Variants in CD36 observed in about 807,000 individuals in gnomAD.
CD36 encodes the protein CD36 molecule (CD36 blood group).
In CD36, 119 loss-of-function variants were observed where a neutral mutation model predicts 55.2. The ratio of observed to expected loss-of-function variants is 2.15; its 90% CI spans 1.86 to 2.51. The LOEUF (loss-of-function observed/expected upper bound fraction) is 2.51. Among genes scored for constraint, CD36 ranks in the 30% most tolerant of loss-of-function variants. CD36 has a pLI of 0.00. For missense variants in CD36, 819 were observed against 555.5 expected (o/e 1.47, Z -4.77); for synonymous variants, 186 against 193.6 (o/e 0.96, Z 0.33).
intron 4 of CD36, among the ~76,000 whole-genome samples, chr7:80,659,798 A>G (rs1015520581): frequency 6.6e-6 from 1 of 152,212 alleles, no homozygotes. Context: ...AATTTAAAAT[A>G]CAATTGTCCT....
chr7:80,637,321 C>T (rs1051541991), upstream of CD36, among the ~76,000 whole-genome samples: 2 of 151,764 alleles, frequency 1.3e-5, no homozygotes, highest in African/African-American at 4.8e-5. Flanking sequence ...GATAAAAGGT[C>T]GCAGTTATTT....
At chr7:80,610,385 G>A (rs1792810323) in intron 1 of CD36, among the ~76,000 whole-genome samples, 1 of 151,810 alleles carries the variant, frequency 6.6e-6, no homozygotes, top group Non-Finnish European at 1.5e-5. Context: ...TTACTGAGAG[G>A]GTAATTTAGC....
chr7:80,633,502 T>A (rs1794207241), intron 1 of CD36: 1 of 152,056 alleles, frequency 6.6e-6, no homozygotes, highest in Non-Finnish European at 1.5e-5. Flanking sequence ...GAAATTTTCT[T>A]TTAAAGGTGA....
upstream of CD36, among the ~76,000 whole-genome samples, chr7:80,633,682 T>C (rs1794220459): frequency 6.6e-6 from 1 of 152,008 alleles, no homozygotes; most frequent in South Asian, 2.1e-4. Flanking sequence ...CTTCTATAAG[T>C]GACGAGCTGG....
intron 1 of CD36, among the ~76,000 whole-genome samples, chr7:80,608,684 A>G (rs1025725107): frequency 3.4e-4 from 52 of 152,138 alleles, no homozygotes; most frequent in African/African-American, 1.2e-3. Context: ...GAAAATGTCA[A>G]TATTAAACCC....
At chr7:80,626,902 T>A (rs1012242287) in intron 1 of CD36, among the ~76,000 whole-genome samples, 2 of 152,038 alleles carry the variant, frequency 1.3e-5, no homozygotes, top group African/African-American at 2.4e-5. Flanking sequence ...TTACACTGTA[T>A]ATAAACTACA....
At chr7:80,658,791 C>T (rs866160845) in intron 4 of CD36, among the ~76,000 whole-genome samples, 5 of 152,180 alleles carry the variant, frequency 3.3e-5, no homozygotes, top group African/African-American at 9.6e-5. Flanking sequence ...CCACCATGCC[C>T]GACCATATTT....
intron 1 of CD36, among the ~76,000 whole-genome samples, chr7:80,607,513 A>G (rs1584257869): frequency 6.6e-6 from 1 of 152,180 alleles, no homozygotes; most frequent in Non-Finnish European, 1.5e-5. Context: ...TGTAGAAGTT[A>G]GTGACCTTTT....
Position 80,679,022 on chromosome 7 carries a change from G to A in CD36, c.*2639G>A, listed in dbSNP as rs1228603474. ...CTGCTCTCTTCACCTGCCCCTTGTG[G>A]CCTGTCTACAATTCTAAATGGATTT... On this transcript the variant is annotated 3_prime_UTR_variant, in exon 15 of 15. Coordinates refer to ENST00000447544, the MANE Select transcript of CD36 (RefSeq NM_001001548.3). 6.6e-6 allele frequency: 1 copy of A among 152,096 alleles called. No homozygotes were observed. The highest frequency in any genetic ancestry group is 1.5e-5 in the Non-Finnish European group (1 of 68,038). 9.4% of individuals were successfully genotyped at this position (152,096 alleles called of 1,614,324 possible).
At position 80,617,517 on chromosome 7, in the gene CD36, A is replaced by G. The variant is rs148043559; in HGVS notation, c.-184+15138A>G. Among the ~76,000 whole-genome samples, 133 of 152,286 alleles carry G rather than the reference A, an allele frequency of 8.7e-4. 1 individual carries two copies. The highest frequency in any genetic ancestry group is 3.0e-3 in the African/African-American group (126 of 41,566). The stretch of plus-strand genomic sequence containing the variant: ...TGAGGTGGGTGGATTATCTGAGGTC[A>G]GGAGTTTGAAACCAGCCTGGCCAAC... On this transcript the variant is annotated intron_variant, in intron 1 of 13. Transcript: ENST00000309881.
chr7:80,605,272 G>A (rs1584252828), intron 1 of CD36, among the ~76,000 whole-genome samples: 1 of 152,144 alleles, frequency 6.6e-6, no homozygotes, highest in East Asian at 1.9e-4. Flanking sequence ...ACTGCTTTAG[G>A]AAATGCTATT....
chr7:80,660,356 TATTCTTATCTCTA>T (rs1796423045), intron 4 of CD36, among the ~76,000 whole-genome samples: 2 of 152,156 alleles, frequency 1.3e-5, no homozygotes, highest in Non-Finnish European at 1.5e-5. Flanking sequence ...ATGGAAATTA[TATTCTTATCTCTA>T]ATTCTCATTA....
intron 1 of CD36, among the ~76,000 whole-genome samples, chr7:80,616,330 T>A (rs1354056350): frequency 1.3e-5 from 2 of 152,066 alleles, no homozygotes; most frequent in Non-Finnish European, 2.9e-5. Flanking sequence ...AAATCTAGCA[T>A]TGAACTATGG....
At chr7:80,673,860 G>A (rs1333550786) in intron 13 of CD36, 123 bp from the exon 14 acceptor site, 32 of 751,844 alleles carry the variant, frequency 4.3e-5, no homozygotes, top group Non-Finnish European at 4.9e-5. Context: ...CCATTAACTT[G>A]CCTTATAGAT....
intron 1 of CD36, among the ~76,000 whole-genome samples, chr7:80,611,572 G>A (rs1174637709): frequency 1.3e-5 from 2 of 152,136 alleles, no homozygotes. Context: ...AGTGAAACAA[G>A]TTCATTACTC....
At position 80,678,926 on chromosome 7, in the gene CD36, T is replaced by C. The variant is rs1798247374; in HGVS notation, c.*2543T>C. On this transcript the variant is annotated 3_prime_UTR_variant, in exon 15 of 15. Coordinates refer to ENST00000447544, the MANE Select transcript of CD36 (RefSeq NM_001001548.3). Reference sequence around the variant, plus strand: ...ACATAATTATCTTTCTAGTTGGAGTTTGTTTTAGGTGTGTACCAACTGACA... The same window carrying C: ...ACATAATTATCTTTCTAGTTGGAGTCTGTTTTAGGTGTGTACCAACTGACA... The C allele has an allele frequency of 6.6e-6, 1 of 152,206 alleles. No individual in the cohort carries two copies. The highest frequency in any genetic ancestry group is 2.1e-4 in the South Asian group (1 of 4,834). The allele number at this position is 152,206 out of a possible 1,614,324, so 9.4% of individuals were successfully genotyped here. A position where few individuals can be genotyped will look rare whatever the true frequency, so the allele number is the denominator to read the frequency against.
chr7:80,674,218 GAGAAGTTACATATTAGGCCA>G (rs1180461722), intron 14 of CD36, 71 bp downstream of exon 14: 1 of 1,129,890 alleles, frequency 8.9e-7, no homozygotes, highest in Non-Finnish European at 1.3e-6. Flanking sequence ...CTTTATCAAA[GAGAAGTTACATATTAGGCCA>G]TATATATTTC....
At chr7:80,654,856 A>G (rs557894977) in intron 3 of CD36, among the ~76,000 whole-genome samples, 1 of 147,794 alleles carries the variant, frequency 6.8e-6, no homozygotes, top group South Asian at 2.2e-4. Context: ...TTTGACTTCT[A>G]CCAACTAAGT....
At chr7:80,627,436 T>A (rs1362675027) in intron 1 of CD36, among the ~76,000 whole-genome samples, 1 of 151,360 alleles carries the variant, frequency 6.6e-6, no homozygotes, top group Non-Finnish European at 1.5e-5. Context: ...TAGTACACCA[T>A]ATTGACCCCC....
Sources: gnomAD v4.1 joint callset for allele counts (sites outside exome capture counted in the v4.1 genomes callset) on GRCh38, gnomAD v4.1.1 for gene constraint, MANE v1.5 for transcripts, NCBI Gene and HGNC (gene_info 2026-07-23, HGNC 2026-07-21) for gene names.